The following AGBL1 variants were observed in gnomAD, a reference collection of about 807,000 sequenced individuals.
AGBL1 encodes the protein AGBL carboxypeptidase 1, also known as cytosolic carboxypeptidase 4.
AGBL1 carries 130 observed loss-of-function variants against 118.9 expected under a neutral mutation model. The ratio of observed to expected loss-of-function variants is 1.09; its 90% confidence interval spans 0.95 to 1.26. The LOEUF is 1.26. Among genes scored for constraint, AGBL1 ranks in the 50% most tolerant of loss-of-function variants. AGBL1 has a pLI of 0.00. For missense variants in AGBL1, 1,584 were observed against 1,298.1 expected (o/e 1.22, Z -3.38); for synonymous variants, 555 against 478.9 (o/e 1.16, Z -2.08).
chr15:86,326,365 T>C (rs1035118419), intron 17 of AGBL1, among the ~76,000 whole-genome samples: 1 of 152,192 alleles, frequency 6.6e-6, no homozygotes, highest in African/African-American at 2.4e-5. Context: ...TTCCATTACA[T>C]TCTTTTTTTA....
chr15:86,964,603 T>G (rs1027312953), intron 23 of AGBL1, among the ~76,000 whole-genome samples: 2 of 151,914 alleles, frequency 1.3e-5, no homozygotes, highest in African/African-American at 4.8e-5. Flanking sequence ...TGGGCTTGCC[T>G]ATGGTCACTT....
At chr15:86,974,946 GC>G (rs2081158401) in intron 23 of AGBL1, among the ~76,000 whole-genome samples, 1 of 152,050 alleles carries the variant, frequency 6.6e-6, no homozygotes, top group East Asian at 1.9e-4. Flanking sequence ...GATTATTGGA[GC>G]TTTTTTCTTG....
intron 5 of AGBL1, among the ~76,000 whole-genome samples, chr15:86,171,815 A>T (rs2077419895): frequency 6.6e-6 from 1 of 152,248 alleles, no homozygotes; most frequent in Non-Finnish European, 1.5e-5. Flanking sequence ...CAACAAATGG[A>T]TAAAGAAATT....
intron 22 of AGBL1, among the ~76,000 whole-genome samples, chr15:86,867,458 G>A (rs1025942728): frequency 6.6e-6 from 1 of 152,176 alleles, no homozygotes; most frequent in African/African-American, 2.4e-5. Flanking sequence ...GATTCTGTAT[G>A]TGGCAGGAGT....
chr15:86,738,206 T>G (rs2077628442), intron 22 of AGBL1, among the ~76,000 whole-genome samples: 1 of 152,080 alleles, frequency 6.6e-6, no homozygotes, highest in Admixed American at 6.5e-5. Context: ...TCTTAATAAT[T>G]TAAGCATAGA....
At chr15:86,373,297 A>G (rs1200704875) in intron 17 of AGBL1, among the ~76,000 whole-genome samples, 1 of 152,064 alleles carries the variant, frequency 6.6e-6, no homozygotes, top group Non-Finnish European at 1.5e-5. Flanking sequence ...TTTCCCCCGG[A>G]AGAAGTCTTG....
At chr15:86,358,082 ACT>A (rs1290594356) in intron 17 of AGBL1, among the ~76,000 whole-genome samples, 3 of 152,134 alleles carry the variant, frequency 2.0e-5, no homozygotes, top group Admixed American at 2.0e-4. Context: ...TGTATTAATA[ACT>A]CAGTATTATT....
chr15:86,509,743 C>T (rs138450462), intron 18 of AGBL1, among the ~76,000 whole-genome samples: 1 of 152,086 alleles, frequency 6.6e-6, no homozygotes, highest in Non-Finnish European at 1.5e-5. Flanking sequence ...GTCACTGACA[C>T]TTTGTCTTTT....
chr15:86,270,068 G>C lies in AGBL1; in HGVS notation c.1987+1G>C. 1 of 1,609,528 alleles carries C rather than the reference G, an allele frequency of 6.2e-7. No homozygotes were observed. Among genetic ancestry groups the C allele is most frequent in the Non-Finnish European group, 8.5e-7 (1 of 1,177,894 alleles). ...AAGCCCAACAGCCAGTTTAATTATG[G>C]TATGAACGCTTGGGGAGCAGGGGCT... is the stretch of plus-strand genomic sequence containing the variant. On this transcript the variant is annotated splice_donor_variant, in intron 14 of 22. Coordinates refer to ENST00000614907, the MANE Select transcript of AGBL1 (RefSeq NM_001386094.1). LOFTEE classifies it high-confidence loss of function.
intron 18 of AGBL1, among the ~76,000 whole-genome samples, chr15:86,490,584 C>A (rs1312617395): frequency 6.6e-6 from 1 of 152,004 alleles, no homozygotes; most frequent in Admixed American, 6.6e-5. Context: ...ATGACAATAC[C>A]AATGTTCTAG....
chr15:86,943,442 G>A (rs1444825863), intron 23 of AGBL1, among the ~76,000 whole-genome samples: 1 of 152,200 alleles, frequency 6.6e-6, no homozygotes, highest in Non-Finnish European at 1.5e-5. Flanking sequence ...GAGCTCCCCA[G>A]TAGGTCTTCT....
chr15:86,500,527 CA>C (rs1340601413), intron 18 of AGBL1, among the ~76,000 whole-genome samples: 1 of 188 alleles, frequency 5.3e-3, no homozygotes, highest in Non-Finnish European at 0.011. Flanking sequence ...ATTCATATAC[CA>C]TTGCTATTCA....
At chr15:86,574,168 G>C (rs1242762659) in intron 21 of AGBL1, among the ~76,000 whole-genome samples, 1 of 152,230 alleles carries the variant, frequency 6.6e-6, no homozygotes, top group African/African-American at 2.4e-5. Context: ...TGCTGGATAG[G>C]CTGTACATAG....
intron 17 of AGBL1, chr15:86,296,271 T>C (rs1037843308): frequency 4.6e-5 from 7 of 152,010 alleles, no homozygotes; most frequent in African/African-American, 1.7e-4. Context: ...GAGGAATGTT[T>C]TGTGATACAG....
At chr15:86,184,709 C>T (rs927925145) in intron 5 of AGBL1, among the ~76,000 whole-genome samples, 11 of 152,086 alleles carry the variant, frequency 7.2e-5, no homozygotes, top group Non-Finnish European at 1.6e-4. Context: ...GGCCATACTG[C>T]CCAAGGTAAT....
At chr15:86,570,765 G>T (rs1409234192) in intron 21 of AGBL1, among the ~76,000 whole-genome samples, 1 of 152,054 alleles carries the variant, frequency 6.6e-6, no homozygotes, top group Non-Finnish European at 1.5e-5. Context: ...TGGGATCTTT[G>T]GGGTGTCGCT....
chr15:86,270,697 A>G (rs536592597), intron 14 of AGBL1, among the ~76,000 whole-genome samples: 1 of 152,312 alleles, frequency 6.6e-6, no homozygotes, highest in South Asian at 2.1e-4. Flanking sequence ...GTAGTGACTA[A>G]ACAGATTCCT....
intron 22 of AGBL1, among the ~76,000 whole-genome samples, chr15:86,861,626 C>T (rs1596561895): frequency 6.6e-6 from 1 of 152,272 alleles, no homozygotes; most frequent in East Asian, 1.9e-4. Flanking sequence ...ATCTACTTCA[C>T]AGAGCTGTTG....
intron 17 of AGBL1, among the ~76,000 whole-genome samples, chr15:86,354,188 A>T (rs1293479879): frequency 3.9e-5 from 6 of 152,224 alleles, no homozygotes; most frequent in Non-Finnish European, 8.8e-5. Flanking sequence ...GGGCATCTGC[A>T]TAGGGTGTTA....
Sources: gnomAD v4.1 joint callset for allele counts (sites outside exome capture counted in the v4.1 genomes callset) on GRCh38, gnomAD v4.1.1 for gene constraint, MANE v1.5 for transcripts, NCBI Gene and HGNC (gene_info 2026-07-23, HGNC 2026-07-21) for gene names.